The following TSEN54 variants were observed in gnomAD, a reference collection of about 807,000 sequenced individuals.
TSEN54 encodes the protein tRNA splicing endonuclease subunit 54.
Under a neutral mutation model 61.9 loss-of-function variants are expected in TSEN54, and 55 were observed. The ratio of observed to expected loss-of-function variants is 0.89; its 90% CI spans 0.72 to 1.11. The LOEUF (loss-of-function observed/expected upper bound fraction) is 1.11. Ranked by LOEUF, TSEN54 falls within the 50% of genes most tolerant of loss-of-function variation. The pLI is 0.00. For synonymous variants in TSEN54, 304 were observed against 288.7 expected, an observed-to-expected ratio of 1.05 and a Z score of -0.54; for missense variants, 760 against 687.7, an observed-to-expected ratio of 1.11 and a Z score of -1.18.
chr17:75,522,601 T>C (rs2053440686), intron 8 of TSEN54: 1 of 1,313,888 alleles, frequency 7.6e-7, no homozygotes, highest in Non-Finnish European at 1.0e-6. Context: ...TGGATGGCTT[T>C]GCCACCAACT....
intron 8 of TSEN54, chr17:75,523,012 C>G (rs2147014866): frequency 2.2e-6 from 1 of 453,566 alleles, no homozygotes; most frequent in Admixed American, 3.3e-5. Flanking sequence ...GAAACCATCT[C>G]TACTAAAAAT....
rs369195850 is a variant in TSEN54, at chr17:75,522,028, G to A, written c.947G>A (p.Arg316His). 2.6e-5 allele frequency: 41 copies of A among 1,594,132 alleles called. No individual in the cohort carries two copies. Among genetic ancestry groups the A allele is most frequent in the Admixed American group, 5.2e-5 (3 of 57,472 alleles). Residue 316 changes from arginine to histidine, a missense_variant, in exon 8 of 11, where the codon CGC becomes CAC. This residue lies in a region of TSEN54 where 667 missense variants were observed against 577.8 expected (regional missense o/e 1.15). Transcript: ENST00000333213. Reference protein sequence around the residue: ...MASDSRHTLLRAPAPELLPAN... With the variant: ...MASDSRHTLLHAPAPELLPAN... ...TCAGACAGCCGCCACACCCTTCTGC[G>A]CGCCCCAGCCCCAGAGCTGCTCCCG... is the stretch of plus-strand genomic sequence containing the variant.
intron 6 of TSEN54, 46 bp downstream of exon 6, chr17:75,519,093 C>A: frequency 1.2e-6 from 2 of 1,605,532 alleles, no homozygotes; most frequent in Non-Finnish European, 1.7e-6. Context: ...AGTCCTGGGA[C>A]CTGGCTGACT....
Position 75,522,145 on chromosome 17 carries a change from A to G in TSEN54, c.1064A>G (p.His355Arg). The G allele has an allele frequency of 6.4e-7, 1 of 1,561,666 alleles. No individual in the cohort carries two copies. The highest frequency in any genetic ancestry group is 8.7e-7 in the Non-Finnish European group (1 of 1,151,774). ...AAGCTCTCCAGGCGGGAACGGGAGC[A>G]CCACGCGGAGGCCGCGCAGTTCCAG... ...KEKLSRRERE[H>R]HAEAAQFQED... The change falls in exon 8 of 11, where the codon CAC (histidine) becomes CGC (arginine). Residue 355 changes from histidine (H) to arginine (R), a missense_variant. His to Arg is a conservative substitution (Grantham distance 29, BLOSUM62 0). Around this residue, in one of 3 missense-constraint regions of TSEN54, gnomAD observed 667 missense variants for 577.8 expected, o/e 1.15. Coordinates refer to ENST00000333213, the MANE Select transcript of TSEN54 (RefSeq NM_207346.3).
rs776923151 is a variant in TSEN54 at position 75,516,815 on chromosome 17, C to T, written c.126C>T (p.Asp42=). The change falls in exon 2 of 11, where the codon GAC becomes GAT. Residue 42 remains aspartate, a synonymous_variant. Transcript: ENST00000333213. ...KLPQRSHGPK[D]FLPDGSAAQA... ...CCCAGCGCTCGCATGGCCCCAAGGA[C>T]TTTCTGCCCGACGGCTCGGCAGCTC... The T allele has an allele frequency of 1.3e-6, 2 of 1,593,460 alleles. No homozygotes were observed. The highest frequency in any genetic ancestry group is 1.7e-6 in the Non-Finnish European group (2 of 1,176,790).
chr17:75,521,893 C>T lies in TSEN54; in HGVS notation c.812C>T (p.Ala271Val). 6.2e-7 allele frequency: 1 copy of T among 1,609,552 alleles called. No individual in the cohort carries two copies. The highest frequency in any genetic ancestry group is 8.5e-7 in the Non-Finnish European group (1 of 1,178,360). ...LGSLGPSPGP[A>V]REGVGCSWES... is the part of the protein sequence containing the mutation. ...TCCCTGGGCCCCAGCCCTGGCCCGG[C>T]CAGGGAGGGGGTGGGGTGCAGCTGG... Residue 271 changes from alanine (A) to valine (V), a missense_variant, in exon 8 of 11, where the codon GCC becomes GTC. Coordinates refer to ENST00000333213, the MANE Select transcript of TSEN54 (RefSeq NM_207346.3).
intron 6 of TSEN54, among the ~76,000 whole-genome samples, chr17:75,520,345 G>A (rs151257719): frequency 0.027 from 4,053 of 151,758 alleles, 61 homozygotes; most frequent in Middle Eastern, 0.11. Flanking sequence ...CGACGCGGGC[G>A]GATCGCGTGA....
intron 6 of TSEN54, among the ~76,000 whole-genome samples, chr17:75,519,627 A>T (rs995196898): frequency 3.9e-5 from 6 of 152,186 alleles, no homozygotes. Flanking sequence ...CAGTGGCATG[A>T]TCTCAGCTTA....
rs540415680 is a variant in TSEN54, at chr17:75,522,256, G to C, written c.1175G>C (p.Arg392Thr). 5.4e-5 allele frequency: 84 copies of C among 1,547,334 alleles called. No individual in the cohort carries two copies. The highest frequency in any genetic ancestry group is 7.0e-5 in the Non-Finnish European group (80 of 1,146,320). Reference protein sequence around the residue: ...KELLQRRQVQRSQRRAPHLWG... With the variant: ...KELLQRRQVQTSQRRAPHLWG... ...CTGCTGCAGCGGCGGCAGGTGCAGAGGAGCCAGCGCCGGGCCCCTCACCTG... is the reference window on the plus strand; with the variant it reads ...CTGCTGCAGCGGCGGCAGGTGCAGACGAGCCAGCGCCGGGCCCCTCACCTG... The change falls in exon 8 of 11, where the codon AGG (arginine) becomes ACG (threonine). Residue 392 changes from arginine to threonine, a missense_variant. Arg to Thr is a moderately conservative substitution (Grantham distance 71). This residue lies in a region of TSEN54 where 667 missense variants were observed against 577.8 expected (regional missense o/e 1.15). Coordinates refer to ENST00000333213, the MANE Select transcript of TSEN54 (RefSeq NM_207346.3).
chr17:75,521,526 C>A lies in TSEN54; in HGVS notation c.623+16C>A. On this transcript the variant is annotated intron_variant, in intron 7 of 10. Transcript: ENST00000333213. ...CCAGCCCTCGGTAACTCCCACATCA[C>A]GGTGGCCCCCCAGGGAGTGCTGGTG... 2 of 1,611,714 alleles carry A rather than the reference C, an allele frequency of 1.2e-6. No homozygotes were observed. Among genetic ancestry groups the A allele is most frequent in the Non-Finnish European group, 1.7e-6 (2 of 1,177,946 alleles).
rs113994154 is a variant in TSEN54 at position 75,522,108 on chromosome 17, C to T, written c.1027C>T (p.Gln343Ter). The T allele has an allele frequency of 6.3e-7, 1 of 1,581,442 alleles. No individual in the cohort carries two copies. Among genetic ancestry groups the T allele is most frequent in the Non-Finnish European group, 8.6e-7 (1 of 1,163,786 alleles). The change falls in exon 8 of 11, where the codon CAG becomes TAG. Residue 343 changes from glutamine to a stop codon, truncating the protein, a stop_gained. Coordinates refer to ENST00000333213, the MANE Select transcript of TSEN54 (RefSeq NM_207346.3). LOFTEE classifies it high-confidence loss of function. ...TGAGTCCTGGTGCCAGAAGCTGAACCAGCGCAAGGAGAAGCTCTCCAGGCG... is the reference window on the plus strand; with the variant it reads ...TGAGTCCTGGTGCCAGAAGCTGAACTAGCGCAAGGAGAAGCTCTCCAGGCG... ...DAESWCQKLNQRKEKLSRRER... is the reference protein window; with the variant it reads ...DAESWCQKLN
Position 75,521,902 on chromosome 17 carries a change from G to C in TSEN54, c.821G>C (p.Gly274Ala). The C allele has an allele frequency of 4.3e-6, 7 of 1,610,048 alleles. No homozygotes were observed. The highest frequency in any genetic ancestry group is 5.9e-6 in the Non-Finnish European group (7 of 1,178,666). Residue 274 changes from glycine to alanine, a missense_variant, in exon 8 of 11, where the codon GGG (glycine) becomes GCG (alanine). Physicochemically the swap from Gly to Ala is moderately conservative, Grantham distance 60. This residue lies in a region of TSEN54 where 667 missense variants were observed against 577.8 expected (regional missense o/e 1.15). Transcript: ENST00000333213. ...LGPSPGPARE[G>A]VGCSWESGRA... Reference sequence around the variant, plus strand: ...CCCAGCCCTGGCCCGGCCAGGGAGGGGGTGGGGTGCAGCTGGGAGAGTGGC... The same window carrying C: ...CCCAGCCCTGGCCCGGCCAGGGAGGCGGTGGGGTGCAGCTGGGAGAGTGGC...
intron 5 of TSEN54, chr17:75,518,671 C>T (rs1388091548): frequency 1.4e-5 from 14 of 985,306 alleles, no homozygotes; most frequent in Non-Finnish European, 1.7e-5. Flanking sequence ...TGATCGGCAG[C>T]TTCACTCCTA....
At chr17:75,523,600 G>A (rs891458873) in intron 9 of TSEN54, 63 bp from the exon 10 acceptor site, 1 of 1,613,886 alleles carries the variant, frequency 6.2e-7, no homozygotes, top group African/African-American at 1.3e-5. Flanking sequence ...GGGAAAGGGT[G>A]GGATGGAAAA....
rs1292008396 is a variant in TSEN54 at position 75,522,232 on chromosome 17, T to C, written c.1151T>C (p.Leu384Pro). Residue 384 changes from leucine to proline, a missense_variant, in exon 8 of 11, where the codon CTG becomes CCG. Around this residue, in one of 3 missense-constraint regions of TSEN54, gnomAD observed 667 missense variants for 577.8 expected, o/e 1.15. Transcript: ENST00000333213. ...RCSSWREYKE[L>P]LQRRQVQRSQ... ...TCCAGCTGGCGGGAGTACAAGGAGC[T>C]GCTGCAGCGGCGGCAGGTGCAGAGG... 1.5e-5 allele frequency: 23 copies of C among 1,548,456 alleles called. No homozygotes were observed. The East Asian group carries it at 5.6e-4, about 38-fold the overall frequency.
chr17:75,523,901 A>G, intron 10 of TSEN54, 122 bp downstream of exon 10: 2 of 1,149,660 alleles, frequency 1.7e-6, no homozygotes, highest in Admixed American at 4.0e-5. Context: ...GGAGGTCCAG[A>G]GAGGCTAAGT....
At position 75,522,158 on chromosome 17, in the gene TSEN54, C is replaced by T. The variant is rs546665854; in HGVS notation, c.1077C>T (p.Ala359=). ...GGGAACGGGAGCACCACGCGGAGGC[C>T]GCGCAGTTCCAGGAAGATGTCAACG... ...SRREREHHAE[A]AQFQEDVNAD... Residue 359 remains alanine, a synonymous_variant, in exon 8 of 11, where the codon GCC becomes GCT. Coordinates refer to ENST00000333213, the MANE Select transcript of TSEN54 (RefSeq NM_207346.3). 1.5e-5 allele frequency: 24 copies of T among 1,554,898 alleles called. No homozygotes were observed. In the East Asian group the frequency reaches 4.1e-4, roughly 27 times the overall value.
Position 75,521,939 on chromosome 17 carries a change from C to T in TSEN54, c.858C>T (p.Asn286=), listed in dbSNP as rs765825397. The T allele has an allele frequency of 1.3e-5, 21 of 1,610,562 alleles. No homozygotes were observed. The highest frequency in any genetic ancestry group is 8.8e-5 in the South Asian group (8 of 90,846). The change falls in exon 8 of 11, where the codon AAC becomes AAT. Residue 286 remains asparagine (N), a synonymous_variant. Transcript: ENST00000333213. Reference sequence around the variant, plus strand: ...GCTGGGAGAGTGGCAGAGCCGAGAACGGAGTCACGGGAGCCGGTAAGCGGC... The same window carrying T: ...GCTGGGAGAGTGGCAGAGCCGAGAATGGAGTCACGGGAGCCGGTAAGCGGC... The part of the protein sequence containing the change: ...GCSWESGRAE[N]GVTGAGKRRW...
Position 75,518,994 on chromosome 17 carries a change from G to A in TSEN54, c.469-1G>A. 6.2e-7 allele frequency: 1 copy of A among 1,613,148 alleles called. No homozygotes were observed. On this transcript the variant is annotated splice_acceptor_variant, in intron 5 of 10. Transcript: ENST00000333213. LOFTEE classifies it high-confidence loss of function. ...CTTTCATTTTTTTTTTTTCTTTTGA[G>A]GTCTTCAGCCACCTGAAGAGGTTGG...
Sources: gnomAD v4.1 joint callset for allele counts (sites outside exome capture counted in the v4.1 genomes callset) on GRCh38, gnomAD v4.1.1 for gene constraint, gnomAD v4.1.1 regional missense constraint, MANE v1.5 for transcripts, NCBI Gene and HGNC (gene_info 2026-07-23, HGNC 2026-07-21) for gene names.